Variants in SMAD3 observed in about 807,000 individuals in gnomAD.
The protein encoded by SMAD3 is MAD homolog 3.
In SMAD3, 12 loss-of-function variants were observed where a neutral mutation model predicts 51.8. The observed-to-expected ratio is 0.23, with a 90% CI of 0.15 to 0.38. The LOEUF (loss-of-function observed/expected upper bound fraction) is 0.38, where lower values mean the gene tolerates loss of function less well. SMAD3 is among the 10% of genes least tolerant of loss of function. The pLI, the probability that SMAD3 is intolerant of heterozygous loss-of-function variation, is 1.00. For missense variants in SMAD3, 294 were observed against 565.6 expected (o/e 0.52, Z 4.87); for synonymous variants, 238 against 227.7 (o/e 1.05, Z -0.41).
chr15:67,186,789 C>A, intron 7 of SMAD3: 1 of 307,864 alleles, frequency 3.2e-6, no homozygotes, highest in South Asian at 2.8e-5. Context: ...CTAGCCCCAG[C>A]ACCAGGTGTA....
At chr15:67,092,948 C>T (rs952426232) in intron 1 of SMAD3, among the ~76,000 whole-genome samples, 10 of 152,166 alleles carry the variant, frequency 6.6e-5, no homozygotes, top group Admixed American at 5.2e-4. Context: ...CCATGCCCAT[C>T]CCTGAGTTGT....
At chr15:67,078,607 TTGG>T (rs755629755) in intron 1 of SMAD3, among the ~76,000 whole-genome samples, 24 of 152,316 alleles carry the variant, frequency 1.6e-4, no homozygotes, top group East Asian at 5.8e-4. Context: ...GAGGGTCAGC[TTGG>T]TGGTGGTGGT....
At position 67,187,423 on chromosome 15, in the gene SMAD3, C is replaced by G; in HGVS notation, c.1068C>G (p.Val356=). ...TCGCTGCCCTCCTGGCCCAGTCGGT[C>G]AACCAGGGCTTTGAGGCTGTCTACC... ...QEFAALLAQS[V]NQGFEAVYQL... is the part of the protein sequence containing the mutation. Residue 356 remains valine (V), a synonymous_variant, in exon 8 of 9, where the codon GTC becomes GTG. Coordinates refer to ENST00000327367, the MANE Select transcript of SMAD3 (RefSeq NM_005902.4). The G allele has an allele frequency of 6.2e-7, 1 of 1,614,156 alleles. No homozygotes were observed. Among genetic ancestry groups the G allele is most frequent in the Non-Finnish European group, 8.5e-7 (1 of 1,180,030 alleles).
chr15:67,139,999 G>C (rs1049071129), intron 1 of SMAD3, among the ~76,000 whole-genome samples: 1 of 152,154 alleles, frequency 6.6e-6, no homozygotes, highest in African/African-American at 2.4e-5. Context: ...GCACATGCCT[G>C]TAATCCTAGC....
intron 5 of SMAD3, among the ~76,000 whole-genome samples, chr15:67,176,811 G>T (rs1444942763): frequency 2.6e-5 from 4 of 152,182 alleles, no homozygotes; most frequent in Non-Finnish European, 4.4e-5. Context: ...GCTGGAGCTG[G>T]AGGTTCCTGC....
chr15:67,153,285 C>T (rs1231627358), intron 1 of SMAD3, among the ~76,000 whole-genome samples: 2 of 151,998 alleles, frequency 1.3e-5, no homozygotes, highest in Admixed American at 6.6e-5. Flanking sequence ...TGAGGTCAGG[C>T]GTTTGAGACC....
intron 1 of SMAD3, among the ~76,000 whole-genome samples, chr15:67,140,238 A>G (rs745451870): frequency 6.6e-6 from 1 of 152,150 alleles, no homozygotes; most frequent in Non-Finnish European, 1.5e-5. Context: ...GTACAGATTG[A>G]TGAGTGTCTT....
intron 1 of SMAD3, among the ~76,000 whole-genome samples, chr15:67,115,251 CT>C (rs11287770): frequency 0.53 from 79,216 of 149,888 alleles, 23,298 homozygotes; most frequent in Middle Eastern, 0.68. Context: ...GTAGGAAAGT[CT>C]TTTTTTTTTT....
chr15:67,074,207 T>G (rs2140197445), intron 1 of SMAD3, among the ~76,000 whole-genome samples: 1 of 152,368 alleles, frequency 6.6e-6, no homozygotes, highest in South Asian at 2.1e-4. Context: ...CAAAGGAATA[T>G]GAAAATAATG....
chr15:67,142,753 A>G (rs532429837), intron 1 of SMAD3: 143 of 399,702 alleles, frequency 3.6e-4, no homozygotes, highest in African/African-American at 2.8e-3. Context: ...GTGGAGATAT[A>G]TTGATCTCAA....
chr15:67,087,244 C>T (rs1412376091), intron 1 of SMAD3, among the ~76,000 whole-genome samples: 1 of 152,162 alleles, frequency 6.6e-6, no homozygotes, highest in Non-Finnish European at 1.5e-5. Flanking sequence ...GTTGGCACCT[C>T]ACTGGCAGCA....
Position 67,069,588 on chromosome 15 carries a change from A to T in SMAD3, c.206+3228A>T, listed in dbSNP as rs112914814. Among the ~76,000 whole-genome samples the T allele has an allele frequency of 6.8e-3, 1,031 of 152,238 alleles. 15 individuals carry two copies. Among genetic ancestry groups the T allele is most frequent in the African/African-American group, 0.024 (980 of 41,522 alleles). The stretch of plus-strand genomic sequence containing the variant: ...TTGGGAGCTAGACCAAGCTTAAAGC[A>T]TTGCTTGTTTGGAAGGGAATTTGGG... On this transcript the variant is annotated intron_variant, in intron 1 of 8. Transcript: ENST00000327367.
rs1959891067 is a variant in SMAD3, at chr15:67,065,627, A to G, written c.-528A>G. Among the ~76,000 whole-genome samples the G allele has an allele frequency of 6.8e-6, 1 of 146,642 alleles. No homozygotes were observed. Among genetic ancestry groups the G allele is most frequent in the South Asian group, 2.2e-4 (1 of 4,462 alleles). The stretch of plus-strand genomic sequence containing the variant: ...GAAACACAGACTGGGAGCGGGCGGG[A>G]GCGGGAGCGCGGCGCACGCCCCGGG... On this transcript the variant is annotated 5_prime_UTR_variant, in exon 1 of 9. Coordinates refer to ENST00000327367, the MANE Select transcript of SMAD3 (RefSeq NM_005902.4).
intron 4 of SMAD3, among the ~76,000 whole-genome samples, chr15:67,169,208 C>T (rs375330902): frequency 5.3e-5 from 8 of 152,086 alleles, no homozygotes; most frequent in African/African-American, 1.9e-4. Context: ...GTAGCTGATT[C>T]GTGGGGTTGT....
intron 1 of SMAD3, among the ~76,000 whole-genome samples, chr15:67,103,227 T>TA (rs1960800640): frequency 6.6e-6 from 1 of 152,148 alleles, no homozygotes; most frequent in South Asian, 2.1e-4. Flanking sequence ...GTGGAAGAGT[T>TA]ATAGTCAAGG....
rs976671419 is a variant in SMAD3, at chr15:67,193,263, G to A, written c.*2727G>A. Reference sequence around the variant, plus strand: ...TGACTGGATAGCAGTTTTAAGTGGCGTTCACCTAGTCAACACGACCGCGTG... The same window carrying A: ...TGACTGGATAGCAGTTTTAAGTGGCATTCACCTAGTCAACACGACCGCGTG... On this transcript the variant is annotated 3_prime_UTR_variant, in exon 9 of 9. Coordinates refer to ENST00000327367, the MANE Select transcript of SMAD3 (RefSeq NM_005902.4). 2.1e-5 allele frequency: 5 copies of A among 233,288 alleles called. No individual in the cohort carries two copies. The highest frequency in any genetic ancestry group is 8.8e-5 in the African/African-American group (4 of 45,330). 14.5% of individuals were successfully genotyped at this position (233,288 alleles called of 1,614,324 possible). A position where few individuals can be genotyped will look rare whatever the true frequency, so the allele number is the denominator to read the frequency against.
intron 1 of SMAD3, among the ~76,000 whole-genome samples, chr15:67,126,431 A>G (rs183554291): frequency 1.3e-5 from 2 of 152,162 alleles, no homozygotes; most frequent in East Asian, 3.9e-4. Context: ...CTAGATTTCT[A>G]ATGGAACTCT....
intron 8 of SMAD3, among the ~76,000 whole-genome samples, chr15:67,189,800 C>T (rs1415454939): frequency 2.0e-5 from 3 of 152,094 alleles, no homozygotes; most frequent in Non-Finnish European, 4.4e-5. Flanking sequence ...GGAAAAGAAA[C>T]GTGTGGTGTG....
chr15:67,168,949 TA>T (rs1281504345), intron 4 of SMAD3, among the ~76,000 whole-genome samples: 1 of 152,202 alleles, frequency 6.6e-6, no homozygotes, highest in Non-Finnish European at 1.5e-5. Context: ...TCCCTTCACC[TA>T]CATATGCGCC....
Sources: gnomAD v4.1 joint callset for allele counts (sites outside exome capture counted in the v4.1 genomes callset) on GRCh38, gnomAD v4.1.1 for gene constraint, MANE v1.5 for transcripts, NCBI Gene and HGNC (gene_info 2026-07-23, HGNC 2026-07-21) for gene names.